The following VPS33B variants were observed in gnomAD, a reference collection of about 807,000 sequenced individuals.
VPS33B encodes the protein VPS33B late endosome and lysosome associated, also known as vacuolar protein sorting-associated protein 33B.
In VPS33B, 80 loss-of-function variants were observed where a neutral mutation model predicts 95.3. The observed-to-expected ratio is 0.84, with a 90% CI of 0.70 to 1.01. The LOEUF (loss-of-function observed/expected upper bound fraction) is 1.01, where lower values mean the gene tolerates loss of function less well. VPS33B is among the 50% of genes least tolerant of loss of function. The pLI is 0.00. For missense variants in VPS33B, 715 were observed against 773.4 expected (o/e 0.92, Z 0.90); for synonymous variants, 280 against 280.4 (o/e 1.00, Z 0.01).
chr15:91,017,365 T>TTTA (rs1555460460), intron 2 of VPS33B, among the ~76,000 whole-genome samples: 3 of 17,004 alleles, frequency 1.8e-4, no homozygotes, highest in Admixed American at 9.4e-4. Flanking sequence ...TCTACAAAAT[T>TTTA]AAATATATAT....
chr15:90,998,895 T>A lies in VPS33B; in HGVS notation c.*80A>T. On this transcript the variant is annotated 3_prime_UTR_variant, in exon 23 of 23. Coordinates refer to ENST00000333371, the MANE Select transcript of VPS33B (RefSeq NM_018668.5). The surrounding 1 kb of genome is among the most constrained non-coding windows in gnomAD (Gnocchi z 4.8). The stretch of plus-strand genomic sequence containing the variant: ...AGCAGGTAGTTGGTGGACACTTGGT[T>A]ATAGCAGCTGGGTGCCAGATGCCTG... 6.7e-7 allele frequency: 1 copy of A among 1,498,064 alleles called. No homozygotes were observed. Among genetic ancestry groups the A allele is most frequent in the African/African-American group, 1.4e-5 (1 of 72,902 alleles). 92.8% of individuals were successfully genotyped at this position (1,498,064 alleles called of 1,614,324 possible).
chr15:91,017,178 C>T, intron 2 of VPS33B, 154 bp from the exon 3 acceptor site: 1 of 709,756 alleles, frequency 1.4e-6, no homozygotes, highest in East Asian at 2.7e-5. Context: ...ACGACCATCC[C>T]ACTGAATTTT....
At position 91,006,411 on chromosome 15, in the gene VPS33B, A is replaced by G; in HGVS notation, c.813T>C (p.Ser271=). The change falls in exon 11 of 23, where the codon TCT becomes TCC. Residue 271 remains serine (S), a synonymous_variant. Transcript: ENST00000333371. This position sits in a 1 kb window ranked among gnomAD's most constrained non-coding sequence, Gnocchi z 5.4. ...SVDFGPEVTS[S]DKSLKVLLNA... ...TGAGTAGCACCTTCAGGCTCTTGTC[A>G]GAGGATGTGACTTCTGGGCCAAAGT... 3.1e-6 allele frequency: 5 copies of G among 1,614,220 alleles called. No homozygotes were observed. Among genetic ancestry groups the G allele is most frequent in the Non-Finnish European group, 4.2e-6 (5 of 1,180,052 alleles).
chr15:91,016,344 C>T (rs1454336083), intron 3 of VPS33B, among the ~76,000 whole-genome samples: 1 of 149,194 alleles, frequency 6.7e-6, no homozygotes, highest in African/African-American at 2.5e-5. Flanking sequence ...GGACAATCTT[C>T]AGCAAGTAAT....
At position 91,002,288 on chromosome 15, in the gene VPS33B, T is replaced by G; in HGVS notation, c.1273-106A>C. 6.7e-7 allele frequency: 1 copy of G among 1,490,048 alleles called. No homozygotes were observed. Among genetic ancestry groups the G allele is most frequent in the South Asian group, 1.2e-5 (1 of 84,244 alleles). The allele number at this position is 1,490,048 out of a possible 1,614,324, so 92.3% of individuals were successfully genotyped here. On this transcript the variant is annotated intron_variant, in intron 17 of 22. Coordinates refer to ENST00000333371, the MANE Select transcript of VPS33B (RefSeq NM_018668.5). The surrounding 1 kb of genome is among the most constrained non-coding windows in gnomAD (Gnocchi z 4.7). ...GGACTATGAAGCCTCTGCTGCAGTG[T>G]GAAGGAGCTCACACTTTGTTGAGAT...
In VPS33B at chr15:91,006,778, TAC is replaced by T. The variant is rs752843203; in HGVS notation, c.701-51_701-50del. ...GAAGGTTCTCCCTGACCCAGCCTTC[TAC>T]ACAGCATGTCCAAGGGCAGCTTTGA... On this transcript the variant is annotated intron_variant, in intron 9 of 22. Coordinates refer to ENST00000333371, the MANE Select transcript of VPS33B (RefSeq NM_018668.5). The surrounding 1 kb of genome is among the most constrained non-coding windows in gnomAD (Gnocchi z 5.4). 1 of 1,609,378 alleles carries T rather than the reference TAC, an allele frequency of 6.2e-7. No individual in the cohort carries two copies.
In VPS33B at chr15:91,000,766, T is replaced by C; in HGVS notation, c.1480-175A>G. ...AAGATGGCAGTTTTTGTTCAGTAACTGCCAGTTCTCTGGAATGAGTTCCCA... is the reference window on the plus strand; with the variant it reads ...AAGATGGCAGTTTTTGTTCAGTAACCGCCAGTTCTCTGGAATGAGTTCCCA... On this transcript the variant is annotated intron_variant, in intron 19 of 22. Coordinates refer to ENST00000333371, the MANE Select transcript of VPS33B (RefSeq NM_018668.5). The surrounding 1 kb of genome is among the most constrained non-coding windows in gnomAD (Gnocchi z 4.9). 1.7e-6 allele frequency: 1 copy of C among 604,862 alleles called. No homozygotes were observed. The allele number at this position is 604,862 out of a possible 1,614,324, so 37.5% of individuals were successfully genotyped here.
At chr15:91,008,662 C>G (rs754941516) in intron 6 of VPS33B, among the ~76,000 whole-genome samples, 3 of 152,166 alleles carry the variant, frequency 2.0e-5, no homozygotes, top group Non-Finnish European at 2.9e-5. Context: ...GGACATGCTC[C>G]CAACCTTCTG....
rs1825301822 is a variant in VPS33B at position 91,000,512 on chromosome 15, A to G, written c.1559T>C (p.Leu520Pro). The G allele has an allele frequency of 3.7e-6, 6 of 1,613,254 alleles. No homozygotes were observed. The highest frequency in any genetic ancestry group is 4.2e-6 in the Non-Finnish European group (5 of 1,179,528). Residue 520 changes from leucine (L) to proline (P), a missense_variant, in exon 20 of 23, where the codon CTG becomes CCG. Coordinates refer to ENST00000333371, the MANE Select transcript of VPS33B (RefSeq NM_018668.5). The surrounding 1 kb of genome is among the most constrained non-coding windows in gnomAD (Gnocchi z 4.9). The part of the protein sequence containing the change: ...AYVFGGAYVP[L>P]SCRIIEQVLE... ...CACCTGCTCAATGATTCGGCAGCTC[A>G]GGGGCACATAAGCACCACCGAAGAC...
Position 91,009,602 on chromosome 15 carries a change from A to G in VPS33B, c.403+199T>C, listed in dbSNP as rs1050705599. Among the ~76,000 whole-genome samples the G allele has an allele frequency of 6.7e-5, 10 of 150,370 alleles. No homozygotes were observed. Among genetic ancestry groups the G allele is most frequent in the Admixed American group, 2.0e-4 (3 of 14,854 alleles). On this transcript the variant is annotated intron_variant, in intron 6 of 22. Coordinates refer to ENST00000333371, the MANE Select transcript of VPS33B (RefSeq NM_018668.5). This position sits in a 1 kb window ranked among gnomAD's most constrained non-coding sequence, Gnocchi z 4.1. ...ATTACAGGCATGAGCCACTGCGCCC[A>G]GCCCCCAGTAGTGTTCTAATTCGTG...
In VPS33B at chr15:91,022,236, TG is replaced by T; in HGVS notation, c.13del (p.His5IlefsTer14). On this transcript the variant is annotated frameshift_variant, in exon 1 of 23. Transcript: ENST00000333371. LOFTEE classifies it high-confidence loss of function. MAFP[H>X]RPDAPELPDF... is the part of the protein sequence containing the mutation. The stretch of plus-strand genomic sequence containing the variant: ...AGGCAGCTCAGGGGCGTCCGGCCGA[TG>T]GGGAAAAGCCATGGCAGCGGTCACC... 1.3e-6 allele frequency: 2 copies of T among 1,577,142 alleles called. No individual in the cohort carries two copies. Among genetic ancestry groups the T allele is most frequent in the South Asian group, 1.1e-5 (1 of 87,102 alleles).
chr15:91,016,188 A>T (rs189841719), intron 3 of VPS33B, among the ~76,000 whole-genome samples: 2 of 152,166 alleles, frequency 1.3e-5, no homozygotes, highest in African/African-American at 4.8e-5. Flanking sequence ...GAGCGAATGG[A>T]GTGATGAAAA....
Position 91,022,285 on chromosome 15 carries a change from C to A in VPS33B, c.-36G>T. The A allele has an allele frequency of 6.6e-7, 1 of 1,522,118 alleles. No individual in the cohort carries two copies. The highest frequency in any genetic ancestry group is 8.9e-7 in the Non-Finnish European group (1 of 1,127,012). 94.3% of individuals were successfully genotyped at this position (1,522,118 alleles called of 1,614,324 possible). A position where few individuals can be genotyped will look rare whatever the true frequency, so the allele number is the denominator to read the frequency against. ...ACCTGCGCCGCGGGGTGGAAGGACG[C>A]CCTTCGTTCTGAGAAGGCCGGCCGC... On this transcript the variant is annotated 5_prime_UTR_variant, in exon 1 of 23. Transcript: ENST00000333371.
chr15:91,002,157 G>T lies in VPS33B; in HGVS notation c.1298C>A (p.Thr433Asn), dbSNP rs918085232. ...CCCAGCTCTTCGCAGATTGGAGAAG[G>T]TTAGCAGGTGCTCAGGGCCATAGCT... ...LQSYGPEHLLTFSNLRRAGLL... is the reference protein window; with the variant it reads ...LQSYGPEHLLNFSNLRRAGLL... The change falls in exon 18 of 23, where the codon ACC (threonine) becomes AAC (asparagine). Residue 433 changes from threonine (T) to asparagine (N), a missense_variant. By Grantham distance (65) the Thr-to-Asn change is moderately conservative. Coordinates refer to ENST00000333371, the MANE Select transcript of VPS33B (RefSeq NM_018668.5). This position sits in a 1 kb window ranked among gnomAD's most constrained non-coding sequence, Gnocchi z 4.7. 4 of 1,614,094 alleles carry T rather than the reference G, an allele frequency of 2.5e-6. No homozygotes were observed. The African/African-American group carries it at 5.3e-5, about 22-fold the overall frequency.
chr15:91,014,518 C>G (rs1596366909), intron 3 of VPS33B, 85 bp from the exon 4 acceptor site: 3 of 1,495,364 alleles, frequency 2.0e-6, no homozygotes, highest in Admixed American at 1.7e-5. Context: ...AATACCAACT[C>G]TTTTGCCATT....
At position 90,998,848 on chromosome 15, in the gene VPS33B, A is replaced by G; in HGVS notation, c.*127T>C. ...CAGATAATGTTCTCTAAATCCCAACACGTTCCATGCTCCCGGCTCTTAGCA... is the reference window on the plus strand; with the variant it reads ...CAGATAATGTTCTCTAAATCCCAACGCGTTCCATGCTCCCGGCTCTTAGCA... On this transcript the variant is annotated 3_prime_UTR_variant, in exon 23 of 23. Coordinates refer to ENST00000333371, the MANE Select transcript of VPS33B (RefSeq NM_018668.5). This position sits in a 1 kb window ranked among gnomAD's most constrained non-coding sequence, Gnocchi z 4.8. 1 of 943,396 alleles carries G rather than the reference A, an allele frequency of 1.1e-6. No homozygotes were observed. Among genetic ancestry groups the G allele is most frequent in the South Asian group, 1.4e-5 (1 of 71,836 alleles). 58.4% of individuals were successfully genotyped at this position (943,396 alleles called of 1,614,324 possible).
rs934287389 is a variant in VPS33B, at chr15:91,006,887, C to A, written c.700+63G>T. On this transcript the variant is annotated intron_variant, in intron 9 of 22. Transcript: ENST00000333371. The surrounding 1 kb of genome is among the most constrained non-coding windows in gnomAD (Gnocchi z 5.4). Reference sequence around the variant, plus strand: ...CTTTAGGATTTTAACTTTGCCACCACGCCTTCCATATTCCCGTGTCTTCTA... The same window carrying A: ...CTTTAGGATTTTAACTTTGCCACCAAGCCTTCCATATTCCCGTGTCTTCTA... The A allele has an allele frequency of 1.9e-5, 31 of 1,607,386 alleles. No homozygotes were observed. Among genetic ancestry groups the A allele is most frequent in the Non-Finnish European group, 2.6e-5 (30 of 1,174,184 alleles).
rs1450081802 is a variant in VPS33B, at chr15:91,015,030, G to A, written c.240-597C>T. ...AGCCCAGCCAACATGGTGAAACCCC[G>A]TCTCTACTAAAAATACAAACATTGG... is the stretch of plus-strand genomic sequence containing the variant. On this transcript the variant is annotated intron_variant, in intron 3 of 22. Coordinates refer to ENST00000333371, the MANE Select transcript of VPS33B (RefSeq NM_018668.5). The surrounding 1 kb of genome is among the most constrained non-coding windows in gnomAD (Gnocchi z 4.7). 1.4e-5 allele frequency among the ~76,000 whole-genome samples: 2 copies of A among 147,668 alleles called. No individual in the cohort carries two copies. The highest frequency in any genetic ancestry group is 2.5e-5 in the African/African-American group (1 of 39,566).
chr15:90,999,318 G>A lies in VPS33B; in HGVS notation c.1775-264C>T, dbSNP rs534941523. 1.0e-5 allele frequency: 5 copies of A among 480,838 alleles called. No homozygotes were observed. The highest frequency in any genetic ancestry group is 1.9e-5 in the Non-Finnish European group (5 of 266,356). The allele number at this position is 480,838 out of a possible 1,614,324, so 29.8% of individuals were successfully genotyped here. ...TATTCCTGTGCAGGACACTTTGCGT[G>A]TTTTTTTTTTTTCTCTTGAGATGGA... On this transcript the variant is annotated intron_variant, in intron 22 of 22. Coordinates refer to ENST00000333371, the MANE Select transcript of VPS33B (RefSeq NM_018668.5). This position sits in a 1 kb window ranked among gnomAD's most constrained non-coding sequence, Gnocchi z 5.1.
Sources: gnomAD v4.1 joint callset for allele counts (sites outside exome capture counted in the v4.1 genomes callset) on GRCh38, gnomAD v4.1.1 for gene constraint, Gnocchi (gnomAD v3.1) non-coding constraint, MANE v1.5 for transcripts, NCBI Gene and HGNC (gene_info 2026-07-23, HGNC 2026-07-21) for gene names.